Variants in MOCOS observed in about 807,000 individuals in gnomAD.
The protein encoded by MOCOS is human molybdenum cofactor sulfurase.
Under a neutral mutation model 83.6 loss-of-function variants are expected in MOCOS, and 86 were observed. The observed-to-expected ratio is 1.03, with a 90% CI of 0.86 to 1.23. The LOEUF (loss-of-function observed/expected upper bound fraction) is 1.23, where lower values mean the gene tolerates loss of function less well. MOCOS is among the 50% of genes most tolerant of loss of function. The pLI is 0.00. For synonymous variants in MOCOS, 445 were observed against 434.7 expected, an observed-to-expected ratio of 1.02 and a Z score of -0.29; for missense variants, 1,120 against 1,126.9, an observed-to-expected ratio of 0.99 and a Z score of 0.09.
At chr18:36,192,432 C>A (rs2091369805) in intron 1 of MOCOS, among the ~76,000 whole-genome samples, 1 of 152,060 alleles carries the variant, frequency 6.6e-6, no homozygotes, top group South Asian at 2.1e-4. Context: ...TGTAAAACAT[C>A]ATTGAAAGAA....
chr18:36,240,628 G>A (rs1357528906), intron 9 of MOCOS, among the ~76,000 whole-genome samples: 1 of 152,116 alleles, frequency 6.6e-6, no homozygotes, highest in South Asian at 2.1e-4. Flanking sequence ...GCCTACAGAG[G>A]CAGGCAGGCC....
intron 8 of MOCOS, among the ~76,000 whole-genome samples, chr18:36,219,421 G>A (rs2091487523): frequency 6.6e-6 from 1 of 152,138 alleles, no homozygotes; most frequent in South Asian, 2.1e-4. Flanking sequence ...GCTCATGCCT[G>A]TAATCCCAGA....
chr18:36,222,412 GT>G (rs1018286727), intron 9 of MOCOS, among the ~76,000 whole-genome samples: 141 of 152,050 alleles, frequency 9.3e-4, no homozygotes, highest in African/African-American at 3.3e-3. Flanking sequence ...TCTTTTGTTT[GT>G]TTTCTTTTGA....
At chr18:36,241,917 A>G (rs888064032) in intron 9 of MOCOS, among the ~76,000 whole-genome samples, 3 of 152,172 alleles carry the variant, frequency 2.0e-5, no homozygotes, top group African/African-American at 7.2e-5. Flanking sequence ...AGTGGCCAGA[A>G]TGCAGGGCAC....
intron 9 of MOCOS, among the ~76,000 whole-genome samples, chr18:36,232,180 G>C (rs975006685): frequency 1.3e-5 from 2 of 152,104 alleles, no homozygotes; most frequent in Non-Finnish European, 2.9e-5. Flanking sequence ...TTGCCATGTT[G>C]CCCAGGCTGG....
intron 10 of MOCOS, 28 bp downstream of exon 10, chr18:36,249,028 C>T: frequency 6.3e-7 from 1 of 1,597,390 alleles, no homozygotes; most frequent in Non-Finnish European, 8.6e-7. Flanking sequence ...GTGAAAATCT[C>T]AGCTTTATTG....
intron 9 of MOCOS, among the ~76,000 whole-genome samples, chr18:36,244,192 A>G (rs1482599870): frequency 1.4e-5 from 2 of 147,322 alleles, no homozygotes; most frequent in African/African-American, 5.0e-5. Flanking sequence ...TTTATTCTCT[A>G]GTTTTTTGAG....
intron 6 of MOCOS, among the ~76,000 whole-genome samples, chr18:36,208,543 T>C (rs1161372706): frequency 6.6e-6 from 1 of 152,190 alleles, no homozygotes; most frequent in Non-Finnish European, 1.5e-5. Context: ...TATTTTATTA[T>C]TTTTGTGGCT....
intron 11 of MOCOS, among the ~76,000 whole-genome samples, chr18:36,253,048 A>G (rs948935497): frequency 6.6e-6 from 1 of 152,206 alleles, no homozygotes; most frequent in Non-Finnish European, 1.5e-5. Flanking sequence ...GGGTAGAGGC[A>G]TGAAAGGAGT....
chr18:36,230,727 C>T (rs753042305), intron 9 of MOCOS, among the ~76,000 whole-genome samples: 22 of 152,260 alleles, frequency 1.4e-4, no homozygotes, highest in Admixed American at 1.1e-3. Context: ...CTGAGTGAAG[C>T]TGAGAGTGAG....
At chr18:36,261,738 GCACTAGC>G (rs1210416692) in intron 13 of MOCOS, among the ~76,000 whole-genome samples, 1 of 151,906 alleles carries the variant, frequency 6.6e-6, no homozygotes, top group Non-Finnish European at 1.5e-5. Flanking sequence ...CCCATCTCAG[GCACTAGC>G]CCTCCTGCCG....
At chr18:36,217,495 T>C (rs2091479887) in intron 8 of MOCOS, among the ~76,000 whole-genome samples, 2 of 152,282 alleles carry the variant, frequency 1.3e-5, no homozygotes, top group South Asian at 4.1e-4. Context: ...ACTAGTTCTG[T>C]GGTTGGAACT....
chr18:36,252,021 T>C (rs961492028), intron 11 of MOCOS, among the ~76,000 whole-genome samples: 2 of 152,190 alleles, frequency 1.3e-5, no homozygotes, highest in African/African-American at 4.8e-5. Context: ...TATTTTGTTC[T>C]GTTTTCCTTT....
chr18:36,214,749 GGGA>G (rs1037955075), intron 7 of MOCOS, among the ~76,000 whole-genome samples: 2 of 152,064 alleles, frequency 1.3e-5, no homozygotes, highest in Non-Finnish European at 1.5e-5. Context: ...ATAGGAGAGA[GGGA>G]GGAGAAGAAA....
chr18:36,190,932 G>A (rs2091362540), intron 1 of MOCOS, among the ~76,000 whole-genome samples: 1 of 147,758 alleles, frequency 6.8e-6, no homozygotes, highest in Non-Finnish European at 1.5e-5. Context: ...AGCTATTTGG[G>A]AGGCTGAACC....
intron 4 of MOCOS, among the ~76,000 whole-genome samples, chr18:36,202,900 A>G (rs566948006): frequency 7.2e-4 from 110 of 152,264 alleles, no homozygotes; most frequent in African/African-American, 2.6e-3. Context: ...TGAGAACAGC[A>G]AGGGGGAAAC....
chr18:36,251,534 C>T (rs545504810), intron 11 of MOCOS, among the ~76,000 whole-genome samples: 1 of 152,232 alleles, frequency 6.6e-6, no homozygotes, highest in East Asian at 1.9e-4. Context: ...CAGCCTTAGT[C>T]CTGCATGTTC....
At chr18:36,197,027 T>C (rs1598870209) in intron 2 of MOCOS, among the ~76,000 whole-genome samples, 1 of 152,142 alleles carries the variant, frequency 6.6e-6, no homozygotes, top group East Asian at 1.9e-4. Flanking sequence ...GAGGTCATGA[T>C]ACTCTGGGAC....
chr18:36,230,793 G>A (rs1045646147), intron 9 of MOCOS, among the ~76,000 whole-genome samples: 7 of 152,284 alleles, frequency 4.6e-5, no homozygotes, highest in Non-Finnish European at 7.3e-5. Context: ...CTGTGGAGAC[G>A]GTGCTGGAAA....
Sources: gnomAD v4.1 joint callset for allele counts (sites outside exome capture counted in the v4.1 genomes callset) on GRCh38, gnomAD v4.1.1 for gene constraint, MANE v1.5 for transcripts, NCBI Gene and HGNC (gene_info 2026-07-23, HGNC 2026-07-21) for gene names.